Variants in PCDH15 observed in about 807,000 individuals in gnomAD.
PCDH15 encodes the protein protocadherin-15.
A neutral mutation model predicts 178.5 loss-of-function variants in PCDH15; 129 were observed. The ratio of observed to expected loss-of-function variants is 0.72; its 90% confidence interval spans 0.63 to 0.84. PCDH15 has a LOEUF of 0.84. PCDH15 is among the 40% of genes least tolerant of loss of function. The pLI is 0.00. For synonymous variants in PCDH15, 800 were observed against 732.0 expected, an observed-to-expected ratio of 1.09 and a Z score of -1.50; for missense variants, 2,230 against 2,099.9, an observed-to-expected ratio of 1.06 and a Z score of -1.21.
At chr10:54,594,408 G>A (rs1295305834) in intron 2 of PCDH15, among the ~76,000 whole-genome samples, 1 of 152,050 alleles carries the variant, frequency 6.6e-6, no homozygotes, top group Non-Finnish European at 1.5e-5. Flanking sequence ...GGCCCCCTGA[G>A]CACCCTTTGG....
At chr10:54,323,203 T>C (rs2133786408) in intron 7 of PCDH15, among the ~76,000 whole-genome samples, 1 of 152,066 alleles carries the variant, frequency 6.6e-6, no homozygotes, top group Non-Finnish European at 1.5e-5. Context: ...TATTAAAAAG[T>C]CAAAAAATTA....
intron 2 of PCDH15, among the ~76,000 whole-genome samples, chr10:55,356,880 T>C (rs976642059): frequency 1.3e-5 from 2 of 151,968 alleles, no homozygotes; most frequent in Non-Finnish European, 2.9e-5. Context: ...CATTTAGCTA[T>C]AGTTTTTGGC....
At position 53,915,333 on chromosome 10, in the gene PCDH15, ATATTTT is replaced by A. The variant is rs555246358; in HGVS notation, c.3374-11969_3374-11964del. 2.1e-3 allele frequency among the ~76,000 whole-genome samples: 323 copies of A among 152,296 alleles called. 1 individual carries two copies. Among genetic ancestry groups the A allele is most frequent in the African/African-American group, 7.1e-3 (297 of 41,572 alleles). On this transcript the variant is annotated intron_variant, in intron 25 of 37. Coordinates refer to ENST00000644397, the MANE Select transcript of PCDH15 (RefSeq NM_001384140.1). ...TGCTCTGCAGAGATTATATTTAGCT[ATATTTT>A]TATATACTATTCATTTTCAGTGGCT...
chr10:54,855,583 A>AATTTAATTCTAG (rs1953726798), intron 3 of PCDH15, among the ~76,000 whole-genome samples: 1 of 152,230 alleles, frequency 6.6e-6, no homozygotes, highest in Admixed American at 6.5e-5. Context: ...TTGCTCTCAG[A>AATTTAATTCTAG]TGAATTCTAG....
chr10:55,277,376 AAG>A (rs1489614034), intron 1 of PCDH15, among the ~76,000 whole-genome samples: 1 of 152,050 alleles, frequency 6.6e-6, no homozygotes, highest in African/African-American at 2.4e-5. Flanking sequence ...TCTGTTGAAA[AAG>A]AGGAATGGTT....
At chr10:55,302,734 T>C (rs559603086) in intron 1 of PCDH15, among the ~76,000 whole-genome samples, 1 of 152,306 alleles carries the variant, frequency 6.6e-6, no homozygotes, top group South Asian at 2.1e-4. Flanking sequence ...TACCATGTCC[T>C]AACCTTTATG....
At chr10:55,303,970 G>T (rs1187299309) in intron 1 of PCDH15, among the ~76,000 whole-genome samples, 1 of 152,042 alleles carries the variant, frequency 6.6e-6, no homozygotes, top group Non-Finnish European at 1.5e-5. Context: ...TTATTAGAAA[G>T]GAGCTTGCAT....
At chr10:54,294,543 C>A (rs1054675450) in intron 8 of PCDH15, among the ~76,000 whole-genome samples, 2 of 152,066 alleles carry the variant, frequency 1.3e-5, no homozygotes, top group East Asian at 1.9e-4. Flanking sequence ...CATCAAGATG[C>A]CAAAAGATAA....
chr10:53,927,829 A>G (rs1236992129), intron 25 of PCDH15, among the ~76,000 whole-genome samples: 1 of 152,158 alleles, frequency 6.6e-6, no homozygotes, highest in Admixed American at 6.5e-5. Context: ...ATTGAATAAT[A>G]CTACATCTTT....
chr10:54,039,510 G>A (rs1302927927), intron 18 of PCDH15, among the ~76,000 whole-genome samples: 1 of 151,908 alleles, frequency 6.6e-6, no homozygotes, highest in Non-Finnish European at 1.5e-5. Flanking sequence ...CCCTTACTCT[G>A]TGGCAAGCTA....
intron 2 of PCDH15, among the ~76,000 whole-genome samples, chr10:54,614,172 T>TA (rs1768371698): frequency 6.6e-6 from 1 of 151,902 alleles, no homozygotes; most frequent in African/African-American, 2.4e-5. Flanking sequence ...TATATTAGTA[T>TA]AACAATAAAA....
chr10:55,147,769 G>A (rs188658080), intron 2 of PCDH15, among the ~76,000 whole-genome samples: 1,556 of 151,066 alleles, frequency 0.01, 16 homozygotes, highest in Non-Finnish European at 0.016. Context: ...CAATTAACTC[G>A]TTATTTAGCA....
intron 15 of PCDH15, among the ~76,000 whole-genome samples, chr10:54,122,854 G>A (rs533189141): frequency 1.4e-5 from 2 of 144,770 alleles, no homozygotes; most frequent in South Asian, 4.5e-4. Flanking sequence ...ATCTCTGCAG[G>A]AAGAACTACA....
chr10:55,390,381 G>A (rs1398741094), intron 2 of PCDH15, among the ~76,000 whole-genome samples: 1 of 152,054 alleles, frequency 6.6e-6, no homozygotes, highest in African/African-American at 2.4e-5. Context: ...CAATTCATTA[G>A]GTAAATCAAT....
At chr10:55,303,135 A>G (rs1272668470) in intron 1 of PCDH15, among the ~76,000 whole-genome samples, 1 of 152,158 alleles carries the variant, frequency 6.6e-6, no homozygotes, top group Non-Finnish European at 1.5e-5. Context: ...TTTTGTAACA[A>G]AATAAGAAAT....
At chr10:54,408,557 T>C (rs1039457070) in intron 3 of PCDH15, among the ~76,000 whole-genome samples, 4 of 152,210 alleles carry the variant, frequency 2.6e-5, no homozygotes, top group Non-Finnish European at 5.9e-5. Context: ...TGTGACAGCA[T>C]GTGACAAGTG....
At chr10:53,810,498 G>A (rs1162666941) in intron 37 of PCDH15, 58 bp downstream of exon 37, 1 of 1,472,850 alleles carries the variant, frequency 6.8e-7, no homozygotes. Context: ...TAGTCACGTA[G>A]GGTTAAACAA....
intron 2 of PCDH15, among the ~76,000 whole-genome samples, chr10:55,334,230 ATATAT>A (rs1565021256): frequency 9.3e-6 from 1 of 107,750 alleles, no homozygotes; most frequent in East Asian, 2.9e-4. Context: ...CCATATATAT[ATATAT>A]ATATATATGT....
chr10:55,171,248 A>G (rs1016399564), intron 1 of PCDH15, among the ~76,000 whole-genome samples: 3 of 152,226 alleles, frequency 2.0e-5, no homozygotes, highest in African/African-American at 7.2e-5. Flanking sequence ...GCCAATGCCA[A>G]GCTACTGATT....
Sources: gnomAD v4.1 joint callset for allele counts (sites outside exome capture counted in the v4.1 genomes callset) on GRCh38, gnomAD v4.1.1 for gene constraint, MANE v1.5 for transcripts, NCBI Gene and HGNC (gene_info 2026-07-23, HGNC 2026-07-21) for gene names.